Variants in KIRREL3 observed in about 807,000 individuals in gnomAD.
KIRREL3 encodes kin of IRRE-like protein 3.
A neutral mutation model predicts 89.7 loss-of-function variants in KIRREL3; 36 were observed. The observed-to-expected ratio is 0.40, with a 90% CI of 0.31 to 0.53. The LOEUF is 0.53. Among genes scored for constraint, KIRREL3 ranks in the 20% least tolerant of loss-of-function variants. The pLI is 0.49. For missense variants in KIRREL3, 864 were observed against 1,056.6 expected (o/e 0.82, Z 2.53); for synonymous variants, 445 against 441.4 (o/e 1.01, Z -0.10).
At chr11:126,439,835 A>G (rs1591534130) in intron 11 of KIRREL3, among the ~76,000 whole-genome samples, 1 of 151,418 alleles carries the variant, frequency 6.6e-6, no homozygotes, top group African/African-American at 2.4e-5. Flanking sequence ...AAACACAAAC[A>G]AACAAACCCA....
rs1956634753 is a variant in KIRREL3, at chr11:126,463,977, A to C, written c.592-670T>G. Among the ~76,000 whole-genome samples, 1 of 152,186 alleles carries C rather than the reference A, an allele frequency of 6.6e-6. No individual in the cohort carries two copies. Among genetic ancestry groups the C allele is most frequent in the South Asian group, 2.1e-4 (1 of 4,828 alleles). On this transcript the variant is annotated intron_variant, in intron 5 of 16. Coordinates refer to ENST00000525144, the MANE Select transcript of KIRREL3 (RefSeq NM_032531.4). This position sits in a 1 kb window ranked among gnomAD's most constrained non-coding sequence, Gnocchi z 5.9. ...TAGGTGGGCTAGACAGAGGCTATGGAGCTTGACCAAACTCACATTTCAAGT... is the reference window on the plus strand; with the variant it reads ...TAGGTGGGCTAGACAGAGGCTATGGCGCTTGACCAAACTCACATTTCAAGT...
At position 126,464,461 on chromosome 11, in the gene KIRREL3, G is replaced by A. The variant is rs545906545; in HGVS notation, c.592-1154C>T. The stretch of plus-strand genomic sequence containing the variant: ...TGAGAGGATCACTTGATCCCGGAAG[G>A]TTGAGGCTGCAGTGAGCTGAGGTTG... On this transcript the variant is annotated intron_variant, in intron 5 of 16. Transcript: ENST00000525144. Among the ~76,000 whole-genome samples, 7 of 152,196 alleles carry A rather than the reference G, an allele frequency of 4.6e-5. No individual in the cohort carries two copies. The East Asian group carries it at 9.6e-4, about 21-fold the overall frequency.
At chr11:126,815,691 G>A (rs764707949) in intron 1 of KIRREL3, among the ~76,000 whole-genome samples, 4 of 151,946 alleles carry the variant, frequency 2.6e-5, no homozygotes, top group Non-Finnish European at 4.4e-5. Context: ...CCGCCACCAC[G>A]CCCGGCTAAT....
chr11:126,452,456 C>T (rs576981629), intron 7 of KIRREL3, among the ~76,000 whole-genome samples: 41 of 152,342 alleles, frequency 2.7e-4, no homozygotes, highest in African/African-American at 9.6e-4. Context: ...GGGCAGCTGG[C>T]TGGGCTGGGA....
intron 1 of KIRREL3, among the ~76,000 whole-genome samples, chr11:126,759,008 T>G (rs1280709827): frequency 1.3e-5 from 2 of 152,242 alleles, no homozygotes; most frequent in Admixed American, 1.3e-4. Context: ...TGCTGTCTTG[T>G]GTAAGCCAAC....
chr11:126,914,626 A>G (rs1161964633), intron 1 of KIRREL3, among the ~76,000 whole-genome samples: 1 of 152,354 alleles, frequency 6.6e-6, no homozygotes, highest in East Asian at 1.9e-4. Context: ...TTGTCAGCTG[A>G]TCTCATGAAA....
At position 126,780,012 on chromosome 11, in the gene KIRREL3, G is replaced by A. The variant is rs546569884; in HGVS notation, c.56-217100C>T. On this transcript the variant is annotated intron_variant, in intron 1 of 16. Coordinates refer to ENST00000525144, the MANE Select transcript of KIRREL3 (RefSeq NM_032531.4). The surrounding 1 kb of genome is among the most constrained non-coding windows in gnomAD (Gnocchi z 5.3). ...GGAAAGCTCGGCTGAGTCTGGCTCT[G>A]TGGCTTCAACAGGGAGCCCCACGCT... Among the ~76,000 whole-genome samples the A allele has an allele frequency of 6.6e-6, 1 of 152,278 alleles. No homozygotes were observed. The highest frequency in any genetic ancestry group is 6.5e-5 in the Admixed American group (1 of 15,294).
Position 126,991,188 on chromosome 11 carries a change from C to T in KIRREL3, c.55+9267G>A, listed in dbSNP as rs985182388. Among the ~76,000 whole-genome samples the T allele has an allele frequency of 5.3e-5, 8 of 152,184 alleles. No individual in the cohort carries two copies. The highest frequency in any genetic ancestry group is 1.5e-5 in the Non-Finnish European group (1 of 68,036). ...TGGTGACCCAAAGGGCATTCAAAGC[C>T]TTCCAGAAAGGAACAACTTCCTGCA... On this transcript the variant is annotated intron_variant, in intron 1 of 16. Transcript: ENST00000525144. The surrounding 1 kb of genome is among the most constrained non-coding windows in gnomAD (Gnocchi z 5.8).
rs987879717 is a variant in KIRREL3, at chr11:126,501,200, G to C, written c.433+20115C>G. Among the ~76,000 whole-genome samples, 33 of 152,256 alleles carry C rather than the reference G, an allele frequency of 2.2e-4. No homozygotes were observed. Among genetic ancestry groups the C allele is most frequent in the African/African-American group, 7.5e-4 (31 of 41,468 alleles). On this transcript the variant is annotated intron_variant, in intron 4 of 16. Transcript: ENST00000525144. This position sits in a 1 kb window ranked among gnomAD's most constrained non-coding sequence, Gnocchi z 5.8. Reference sequence around the variant, plus strand: ...CTCTGCACGTCTGAGGAGTCCAGGAGGACTGGCTGAGGCTGCAGGCAGGAA... The same window carrying C: ...CTCTGCACGTCTGAGGAGTCCAGGACGACTGGCTGAGGCTGCAGGCAGGAA...
chr11:126,873,180 A>G (rs1945164352), intron 1 of KIRREL3, among the ~76,000 whole-genome samples: 1 of 152,232 alleles, frequency 6.6e-6, no homozygotes, highest in Admixed American at 6.5e-5. Context: ...CTTGACAAGA[A>G]TGTATTTTAA....
intron 1 of KIRREL3, among the ~76,000 whole-genome samples, chr11:126,597,942 T>A (rs968053876): frequency 6.6e-6 from 1 of 152,132 alleles, no homozygotes; most frequent in Non-Finnish European, 1.5e-5. Flanking sequence ...TAGCATCCTA[T>A]GAGGATTGTA....
At chr11:126,503,986 C>T (rs367787874) in intron 4 of KIRREL3, among the ~76,000 whole-genome samples, 4 of 152,308 alleles carry the variant, frequency 2.6e-5, no homozygotes, top group African/African-American at 9.6e-5. Context: ...TTTGTTATAG[C>T]AGCCTGAGCT....
intron 1 of KIRREL3, among the ~76,000 whole-genome samples, chr11:126,856,761 G>T (rs1004910439): frequency 6.6e-6 from 1 of 151,622 alleles, no homozygotes; most frequent in African/African-American, 2.4e-5. Flanking sequence ...GACTACAGGC[G>T]CCCGCCACCA....
chr11:126,854,083 C>T (rs1944427774), intron 1 of KIRREL3, among the ~76,000 whole-genome samples: 1 of 149,876 alleles, frequency 6.7e-6, no homozygotes, highest in Non-Finnish European at 1.5e-5. Context: ...AAAAACAAAG[C>T]TCCTGTTAAC....
intron 1 of KIRREL3, among the ~76,000 whole-genome samples, chr11:126,975,345 G>A (rs1055264900): frequency 6.6e-5 from 10 of 152,126 alleles, no homozygotes; most frequent in Non-Finnish European, 1.0e-4. Flanking sequence ...AGGGTTGACT[G>A]CCCACAAGGC....
intron 1 of KIRREL3, among the ~76,000 whole-genome samples, chr11:126,718,695 C>T (rs899512265): frequency 6.6e-6 from 1 of 152,182 alleles, no homozygotes; most frequent in Non-Finnish European, 1.5e-5. Flanking sequence ...TTGCCGTGGG[C>T]ATGGTAAGTT....
chr11:126,493,864 G>A (rs1286184436), intron 4 of KIRREL3, among the ~76,000 whole-genome samples: 2 of 151,994 alleles, frequency 1.3e-5, no homozygotes, highest in Non-Finnish European at 2.9e-5. Context: ...GGCTGGTTCT[G>A]GGTCCCGGAA....
chr11:126,869,478 A>G (rs71475985), intron 1 of KIRREL3, among the ~76,000 whole-genome samples: 1,652 of 152,268 alleles, frequency 0.011, 20 homozygotes, highest in Non-Finnish European at 0.017. Flanking sequence ...GGCGACTGAA[A>G]GTAGGACATG....
rs956072561 is a variant in KIRREL3, at chr11:126,891,946, A to T, written c.55+108509T>A. On this transcript the variant is annotated intron_variant, in intron 1 of 16. Transcript: ENST00000525144. The surrounding 1 kb of genome is among the most constrained non-coding windows in gnomAD (Gnocchi z 5.1). ...ACAAAGTTGGGGTTTGATATCTTTC[A>T]GGAAGCCTAGGAATTCTAGGCCACT... Among the ~76,000 whole-genome samples the T allele has an allele frequency of 3.9e-5, 6 of 152,212 alleles. No individual in the cohort carries two copies. The highest frequency in any genetic ancestry group is 1.4e-4 in the African/African-American group (6 of 41,458).
Sources: allele counts gnomAD v4.1 joint callset (sites outside exome capture counted in the v4.1 genomes callset), GRCh38; gene constraint gnomAD v4.1.1; non-coding constraint Gnocchi (gnomAD v3.1); transcripts MANE v1.5; gene names NCBI Gene and HGNC (gene_info 2026-07-23, HGNC 2026-07-21).